REDIC1: variants seen among roughly 807,000 people sequenced by gnomAD.
REDIC1 encodes HEI10 Interacting Protein 1.
chr12:39,701,654 T>C, the REDIC1 span, among the ~76,000 whole-genome samples: 2 of 152,218 alleles, frequency 1.3e-5, no homozygotes, highest in East Asian at 3.9e-4. Context: ...CAGCACCACA[T>C]GACACCTATT....
chr12:39,658,666 T>C, the REDIC1 span, among the ~76,000 whole-genome samples: 2 of 152,216 alleles, frequency 1.3e-5, no homozygotes, highest in Admixed American at 6.5e-5. Context: ...TTTGCCTCTT[T>C]TTCTACTTTT....
At chr12:39,722,788 A>G in the REDIC1 span, among the ~76,000 whole-genome samples, 83 of 152,290 alleles carry the variant, frequency 5.5e-4, no homozygotes, top group African/African-American at 1.9e-3. Flanking sequence ...AGTGCAGTAA[A>G]GAATTTAATC....
the REDIC1 span, chr12:39,626,243 G>T: frequency 7.1e-7 from 1 of 1,414,662 alleles, no homozygotes; most frequent in African/African-American, 1.4e-5. Flanking sequence ...TTGTCAGGAG[G>T]CCCTGGGGGA....
the REDIC1 span, among the ~76,000 whole-genome samples, chr12:39,851,411 CTT>C: frequency 3.9e-5 from 6 of 152,122 alleles, no homozygotes; most frequent in African/African-American, 1.4e-4. Context: ...CATTCTGACT[CTT>C]AACTGACAAT....
At chr12:39,712,984 TG>T in the REDIC1 span, among the ~76,000 whole-genome samples, 1 of 20,572 alleles carries the variant, frequency 4.9e-5, no homozygotes, top group South Asian at 1.5e-3. Context: ...TATATATACA[TG>T]TGTATATACG....
At chr12:39,684,981 T>C in the REDIC1 span, 6 of 1,242,528 alleles carry the variant, frequency 4.8e-6, no homozygotes, top group Middle Eastern at 1.9e-4. Flanking sequence ...TATTACCATA[T>C]CACATTACTG....
At chr12:39,732,046 A>G in the REDIC1 span, among the ~76,000 whole-genome samples, 1 of 152,060 alleles carries the variant, frequency 6.6e-6, no homozygotes, top group Non-Finnish European at 1.5e-5. Context: ...AAAAGTAACC[A>G]TGATCTTGAC....
the REDIC1 span, among the ~76,000 whole-genome samples, chr12:39,727,638 T>TTCTAATTCTGTGAAGAAAG: frequency 0.11 from 16,832 of 148,166 alleles, 1,282 homozygotes; most frequent in East Asian, 0.15. Flanking sequence ...ATTTAGCTTT[T>TTCTAATTCTGTGAAGAAAG]TCTAATTCTG....
chr12:39,649,769 A>G, the REDIC1 span, among the ~76,000 whole-genome samples: 2 of 151,930 alleles, frequency 1.3e-5, no homozygotes, highest in East Asian at 3.9e-4. Context: ...TCTTTTCACA[A>G]TAGTCTTTTC....
the REDIC1 span, among the ~76,000 whole-genome samples, chr12:39,814,338 C>T: frequency 2.6e-5 from 4 of 152,136 alleles, no homozygotes; most frequent in Non-Finnish European, 4.4e-5. Flanking sequence ...CCTCTTTGTA[C>T]TGTTTTTAAA....
At chr12:39,684,825 G>A in the REDIC1 span, 1 of 1,412,858 alleles carries the variant, frequency 7.1e-7, no homozygotes, top group South Asian at 1.2e-5. Flanking sequence ...ATTCCCAGAG[G>A]GAACACAACA....
chr12:39,711,626 C>T, the REDIC1 span, among the ~76,000 whole-genome samples: 112 of 52,120 alleles, frequency 2.1e-3, 4 homozygotes, highest in African/African-American at 4.6e-3. Flanking sequence ...TGTGTATACA[C>T]GTATGTGTAT....
At chr12:39,770,253 T>A in the REDIC1 span, among the ~76,000 whole-genome samples, 1 of 152,096 alleles carries the variant, frequency 6.6e-6, no homozygotes, top group African/African-American at 2.4e-5. Context: ...TTGATCTTTC[T>A]TCCAAGTTCC....
chr12:39,662,791 A>G, the REDIC1 span, among the ~76,000 whole-genome samples: 12 of 151,964 alleles, frequency 7.9e-5, no homozygotes, highest in East Asian at 7.7e-4. Flanking sequence ...TTATATTCAG[A>G]TATGTTCCTT....
chr12:39,885,885 A>T, the REDIC1 span, among the ~76,000 whole-genome samples: 1 of 152,178 alleles, frequency 6.6e-6, no homozygotes, highest in African/African-American at 2.4e-5. Context: ...AGAGATTCTA[A>T]CGTATTTGGT....
the REDIC1 span, among the ~76,000 whole-genome samples, chr12:39,738,270 C>T: frequency 6.6e-6 from 1 of 152,318 alleles, no homozygotes; most frequent in Middle Eastern, 3.4e-3. Context: ...CTGTTGCCTG[C>T]TCTTGGCCAT....
At chr12:39,642,132 T>C in the REDIC1 span, among the ~76,000 whole-genome samples, 1 of 151,802 alleles carries the variant, frequency 6.6e-6, no homozygotes, top group Non-Finnish European at 1.5e-5. Flanking sequence ...GTTTTCTAGT[T>C]GTTTTTACCA....
At chr12:39,704,506 C>A in the REDIC1 span, among the ~76,000 whole-genome samples, 2 of 152,178 alleles carry the variant, frequency 1.3e-5, no homozygotes, top group East Asian at 3.8e-4. Context: ...TTGTAGAAGG[C>A]AGTGTGGCGA....
chr12:39,634,332 C>T, the REDIC1 span, among the ~76,000 whole-genome samples: 1 of 152,098 alleles, frequency 6.6e-6, no homozygotes, highest in South Asian at 2.1e-4. Context: ...AGATTTTGGG[C>T]TGAGACGATT....
Sources: gnomAD v4.1 joint callset for allele counts (sites outside exome capture counted in the v4.1 genomes callset) on GRCh38, gnomAD v4.1.1 for gene constraint, MANE v1.5 for transcripts, NCBI Gene and HGNC (gene_info 2026-07-23, HGNC 2026-07-21) for gene names.